NCKAP5: variants seen among roughly 807,000 people sequenced by gnomAD.
The protein encoded by NCKAP5 is NCK associated protein 5.
A neutral mutation model predicts 167.0 loss-of-function variants in NCKAP5; 92 were observed. That is an observed-to-expected ratio of 0.55 (90% CI 0.47 to 0.66). NCKAP5 has a LOEUF of 0.66. Ranked by LOEUF, NCKAP5 falls within the 30% of genes least tolerant of loss-of-function variation. The pLI is 0.00. For synonymous variants in NCKAP5, 891 were observed against 877.4 expected (o/e 1.02, Z -0.27); for missense variants, 2,378 against 2,315.0 (o/e 1.03, Z -0.56).
chr2:133,400,549 C>G (rs1688033438), intron 3 of NCKAP5, among the ~76,000 whole-genome samples: 1 of 152,046 alleles, frequency 6.6e-6, no homozygotes, highest in Admixed American at 6.6e-5. Flanking sequence ...TAGACAGCCT[C>G]AAGTCAAGGA....
intron 16 of NCKAP5, among the ~76,000 whole-genome samples, chr2:132,749,108 G>A (rs900816777): frequency 3.5e-4 from 53 of 151,842 alleles, no homozygotes; most frequent in African/African-American, 1.3e-3. Flanking sequence ...TTCTAATGAG[G>A]TTTTATAGCT....
At chr2:133,614,378 G>C in the NCKAP5 span, among the ~76,000 whole-genome samples, 3 of 152,174 alleles carry the variant, frequency 2.0e-5, no homozygotes, top group African/African-American at 7.2e-5. Flanking sequence ...TCAAACCAAA[G>C]GCAAAGAAGT....
rs115620867 is a variant in NCKAP5, at chr2:133,215,726, T to C, written c.144-1947A>G. ...AACAGAAGCAAGTACAAAATGTATA[T>C]ACTTTATTTCCTATTTATATAAAGT... On this transcript the variant is annotated intron_variant, in intron 4 of 19. Transcript: ENST00000409261. Among the ~76,000 whole-genome samples, 372 of 152,294 alleles carry C rather than the reference T, an allele frequency of 2.4e-3. 1 individual carries two copies. Among genetic ancestry groups the C allele is most frequent in the African/African-American group, 8.6e-3 (358 of 41,562 alleles).
At chr2:133,091,482 C>A (rs2081182035) in intron 6 of NCKAP5, among the ~76,000 whole-genome samples, 1 of 152,076 alleles carries the variant, frequency 6.6e-6, no homozygotes, top group South Asian at 2.1e-4. Flanking sequence ...AGATAAAGGG[C>A]CCTGGGTATA....
rs1489705024 is a variant in NCKAP5 at position 133,039,715 on chromosome 2, AAGCCCCAGAACTTCTGGCTCT to A, written c.342-45497_342-45477del. ...ACCAGGTCTGGCCCATGTAGTGCTA[AAGCCCCAGAACTTCTGGCTCT>A]AGCCCCAGAACTTCTGATTCTGACT... On this transcript the variant is annotated intron_variant, in intron 6 of 19. Transcript: ENST00000409261. Among the ~76,000 whole-genome samples the A allele has an allele frequency of 5.3e-5, 8 of 152,290 alleles. No homozygotes were observed. In the South Asian group the frequency reaches 6.2e-4, roughly 12 times the overall value.
At chr2:133,498,992 C>T (rs566765352) in intron 3 of NCKAP5, among the ~76,000 whole-genome samples, 1 of 152,388 alleles carries the variant, frequency 6.6e-6, no homozygotes, top group South Asian at 2.1e-4. Flanking sequence ...AATCAAGGAA[C>T]TGCTAACTGG....
intron 3 of NCKAP5, among the ~76,000 whole-genome samples, chr2:133,455,757 A>G (rs930301238): frequency 1.3e-5 from 2 of 152,060 alleles, no homozygotes; most frequent in Non-Finnish European, 2.9e-5. Flanking sequence ...AAACAAACTT[A>G]TTTTTTTATA....
rs1206120498 is a variant in NCKAP5, at chr2:133,403,628, A to G, written c.70-100518T>C. On this transcript the variant is annotated intron_variant, in intron 3 of 19. Coordinates refer to ENST00000409261, the MANE Select transcript of NCKAP5 (RefSeq NM_207363.3). ...AGGCTGGCACCAGCTTTAACGGCGG[A>G]TGGTGCAAACTGCTTTAGTTACTGT... Among the ~76,000 whole-genome samples, 66 of 152,302 alleles carry G rather than the reference A, an allele frequency of 4.3e-4. 1 individual carries two copies. Among genetic ancestry groups the G allele is most frequent in the Non-Finnish European group, 5.9e-5 (4 of 68,030 alleles).
At chr2:133,617,640 A>C in the NCKAP5 span, among the ~76,000 whole-genome samples, 2 of 149,064 alleles carry the variant, frequency 1.3e-5, no homozygotes, top group South Asian at 2.2e-4. Context: ...ACCACTGCTC[A>C]AGGAAATAAA....
chr2:133,659,126 C>G, the NCKAP5 span, among the ~76,000 whole-genome samples: 8 of 152,008 alleles, frequency 5.3e-5, no homozygotes, highest in Non-Finnish European at 7.4e-5. Context: ...TGGAATTGTT[C>G]AGTACCTAAG....
chr2:133,647,926 C>T, the NCKAP5 span, among the ~76,000 whole-genome samples: 2 of 151,950 alleles, frequency 1.3e-5, no homozygotes. Context: ...TTAGACACCC[C>T]AATCAAAAGA....
At chr2:133,655,207 C>G in the NCKAP5 span, among the ~76,000 whole-genome samples, 3 of 152,182 alleles carry the variant, frequency 2.0e-5, no homozygotes, top group African/African-American at 7.2e-5. Flanking sequence ...TCCTAGTCTG[C>G]TCACTCTCCA....
In NCKAP5 at chr2:132,811,263, G is replaced by A. The variant is rs117758949; in HGVS notation, c.808-14534C>T. On this transcript the variant is annotated intron_variant, in intron 11 of 19. Transcript: ENST00000409261. ...GGTTGGCCTCCTGCTAGGAGGTGGC[G>A]CTTTCCAGAAAGCATCAGCTGTATT... is the stretch of plus-strand genomic sequence containing the variant. 1.7e-3 allele frequency among the ~76,000 whole-genome samples: 258 copies of A among 152,220 alleles called. 8 individuals are homozygous for A. In the East Asian group the frequency reaches 0.048, roughly 29 times the overall value.
At chr2:132,890,789 G>A (rs548085506) in intron 8 of NCKAP5, among the ~76,000 whole-genome samples, 2 of 152,182 alleles carry the variant, frequency 1.3e-5, no homozygotes, top group Non-Finnish European at 2.9e-5. Flanking sequence ...CCCACTGATT[G>A]TATTTGAGAG....
At chr2:132,743,431 G>T (rs754760022) in intron 16 of NCKAP5, among the ~76,000 whole-genome samples, 3 of 151,558 alleles carry the variant, frequency 2.0e-5, no homozygotes, top group Non-Finnish European at 3.0e-5. Flanking sequence ...GATGGGAGAG[G>T]TTATATGAAA....
At chr2:133,610,526 G>A in the NCKAP5 span, among the ~76,000 whole-genome samples, 556 of 152,216 alleles carry the variant, frequency 3.7e-3, 3 homozygotes, top group African/African-American at 0.013. Context: ...GCCTAAGAAG[G>A]GGTGTTCCCT....
chr2:133,170,267 C>T (rs141581490), intron 5 of NCKAP5, among the ~76,000 whole-genome samples: 73 of 152,186 alleles, frequency 4.8e-4, no homozygotes, highest in African/African-American at 1.7e-3. Context: ...GCAGATAGAA[C>T]TCAAAAACCA....
chr2:133,606,763 G>C, the NCKAP5 span, among the ~76,000 whole-genome samples: 1 of 148,056 alleles, frequency 6.8e-6, no homozygotes, highest in Admixed American at 6.7e-5. Flanking sequence ...AAAAAAAAAA[G>C]GTTTTAGCCT....
chr2:133,163,223 G>A (rs1255437838), intron 5 of NCKAP5, among the ~76,000 whole-genome samples: 1 of 152,204 alleles, frequency 6.6e-6, no homozygotes, highest in Non-Finnish European at 1.5e-5. Context: ...TTGTGTCTCT[G>A]CCTATGTGAT....
Sources: gnomAD v4.1 joint callset for allele counts (sites outside exome capture counted in the v4.1 genomes callset) on GRCh38, gnomAD v4.1.1 for gene constraint, MANE v1.5 for transcripts, NCBI Gene and HGNC (gene_info 2026-07-23, HGNC 2026-07-21) for gene names.